Variants in SH3D19 observed in about 807,000 individuals in gnomAD.
SH3D19 encodes SH3 domain-containing protein 19.
A neutral mutation model predicts 112.1 loss-of-function variants in SH3D19; 58 were observed. The observed-to-expected ratio is 0.52, with a 90% CI of 0.42 to 0.64. SH3D19 has a LOEUF of 0.64. SH3D19 is among the 30% of genes least tolerant of loss of function. The pLI, the probability that SH3D19 is intolerant of heterozygous loss-of-function variation, is 0.00. For synonymous variants in SH3D19, 391 were observed against 448.5 expected (o/e 0.87, Z 1.62); for missense variants, 1,090 against 1,263.4 (o/e 0.86, Z 2.08).
chr4:151,280,212 A>G (rs1459127904), intron 1 of SH3D19, among the ~76,000 whole-genome samples: 1 of 130,548 alleles, frequency 7.7e-6, no homozygotes, highest in East Asian at 2.0e-4. Context: ...CAGTCAGGAG[A>G]TTTTTGTCGT....
chr4:151,309,914 C>T (rs1002889833), intron 1 of SH3D19, among the ~76,000 whole-genome samples: 6 of 151,830 alleles, frequency 4.0e-5, no homozygotes, highest in Non-Finnish European at 7.4e-5. Context: ...TTCTTGAGCC[C>T]GGGAGGTCAA....
chr4:151,139,255 G>C (rs1291710505), intron 13 of SH3D19, among the ~76,000 whole-genome samples: 2 of 151,908 alleles, frequency 1.3e-5, no homozygotes, highest in East Asian at 1.9e-4. Flanking sequence ...GCGGGTTCAC[G>C]CCATTCTCCT....
At chr4:151,124,763 A>G (rs985163494) in intron 19 of SH3D19, among the ~76,000 whole-genome samples, 9 of 152,108 alleles carry the variant, frequency 5.9e-5, no homozygotes, top group African/African-American at 2.2e-4. Flanking sequence ...CATTCTGTGG[A>G]TATTTAATAA....
At chr4:151,316,728 C>T (rs1191370607) in intron 1 of SH3D19, among the ~76,000 whole-genome samples, 1 of 151,792 alleles carries the variant, frequency 6.6e-6, no homozygotes, top group Non-Finnish European at 1.5e-5. Context: ...CCCCATGAGC[C>T]CATCCCCACC....
chr4:151,121,842 C>G lies in SH3D19; in HGVS notation c.*249G>C. The G allele has an allele frequency of 3.2e-6, 1 of 308,664 alleles. No homozygotes were observed. 19.1% of individuals were successfully genotyped at this position (308,664 alleles called of 1,614,324 possible). A position where few individuals can be genotyped will look rare whatever the true frequency, so the allele number is the denominator to read the frequency against. On this transcript the variant is annotated 3_prime_UTR_variant, in exon 20 of 20. Coordinates refer to ENST00000604030, the MANE Select transcript of SH3D19 (RefSeq NM_001378122.1). ...CATGCCACCAGATGCTTTCCCTTCA[C>G]CTTGCTAATCCCACTAGATGTTTTC...
At chr4:151,144,326 A>G in intron 11 of SH3D19, 1 of 1,568,592 alleles carries the variant, frequency 6.4e-7, no homozygotes, top group Non-Finnish European at 8.8e-7. Context: ...TTCACAATCA[A>G]ATAACCTCCT....
intron 1 of SH3D19, among the ~76,000 whole-genome samples, chr4:151,268,216 C>A (rs11733473): frequency 0.35 from 52,656 of 151,830 alleles, 10,307 homozygotes; most frequent in Non-Finnish European, 0.46. Context: ...CACAATGGGA[C>A]GTATTTATGT....
At chr4:151,257,959 G>A (rs1011922552) in intron 1 of SH3D19, among the ~76,000 whole-genome samples, 11 of 152,290 alleles carry the variant, frequency 7.2e-5, no homozygotes, top group African/African-American at 2.4e-4. Flanking sequence ...AGCCAGGAAT[G>A]AGGCTGAATA....
At chr4:151,217,035 A>G (rs1767240336) in intron 2 of SH3D19, among the ~76,000 whole-genome samples, 1 of 152,144 alleles carries the variant, frequency 6.6e-6, no homozygotes, top group Non-Finnish European at 1.5e-5. Context: ...CACCTTGTTT[A>G]TGGCATTACA....
chr4:151,188,095 G>A (rs1762070317), intron 2 of SH3D19, among the ~76,000 whole-genome samples: 1 of 151,938 alleles, frequency 6.6e-6, no homozygotes, highest in African/African-American at 2.4e-5. Flanking sequence ...ACCCTCTCCA[G>A]ATACCAGCCT....
intron 3 of SH3D19, among the ~76,000 whole-genome samples, chr4:151,181,526 C>G (rs1468458012): frequency 3.9e-5 from 6 of 152,162 alleles, no homozygotes; most frequent in African/African-American, 1.4e-4. Context: ...ACCAAGCTGA[C>G]AGGGAGGCTA....
intron 2 of SH3D19, among the ~76,000 whole-genome samples, chr4:151,211,455 G>A (rs1410499800): frequency 6.6e-6 from 1 of 151,940 alleles, no homozygotes; most frequent in Non-Finnish European, 1.5e-5. Context: ...AGGAAGAATT[G>A]CACTTCCTTC....
At chr4:151,249,334 A>C (rs1050130023) in intron 1 of SH3D19, among the ~76,000 whole-genome samples, 2 of 152,210 alleles carry the variant, frequency 1.3e-5, no homozygotes, top group Admixed American at 6.5e-5. Context: ...TCTGTGAAAG[A>C]AGTATTAGAA....
chr4:151,208,601 C>T (rs960951562), intron 2 of SH3D19, among the ~76,000 whole-genome samples: 7 of 152,062 alleles, frequency 4.6e-5, no homozygotes, highest in African/African-American at 1.7e-4. Flanking sequence ...AACTCCTGGC[C>T]TCAGGTGATC....
intron 8 of SH3D19, among the ~76,000 whole-genome samples, chr4:151,159,586 A>G (rs952428971): frequency 6.6e-6 from 1 of 152,216 alleles, no homozygotes. Context: ...ACAATTCAAC[A>G]GCAGCCAGCA....
intron 2 of SH3D19, among the ~76,000 whole-genome samples, chr4:151,220,295 C>A (rs1767821969): frequency 6.6e-6 from 1 of 152,130 alleles, no homozygotes; most frequent in Non-Finnish European, 1.5e-5. Flanking sequence ...AATGAAATTT[C>A]ATTTAATTTT....
rs1427384472 is a variant in SH3D19 at position 151,139,825 on chromosome 4, G to C, written c.2246C>G (p.Pro749Arg). 6.2e-7 allele frequency: 1 copy of C among 1,614,164 alleles called. No individual in the cohort carries two copies. Among genetic ancestry groups the C allele is most frequent in the South Asian group, 1.1e-5 (1 of 91,074 alleles). ...RPNDPSHAQK[P>R]VDSGAPHAVV... is the part of the protein sequence containing the mutation. ...AGCATGAGGAGCACCACTGTCAACA[G>C]GCTTCTGAGCGTGGCTTGGATCCTT... The change falls in exon 13 of 20, where the codon CCT becomes CGT. Residue 749 changes from proline (P) to arginine (R), a missense_variant. By Grantham distance (103) the Pro-to-Arg change is moderately radical. Transcript: ENST00000604030.
Position 151,128,185 on chromosome 4 carries a change from C to T in SH3D19, c.2914G>A (p.Val972Met), listed in dbSNP as rs142870105. The change falls in exon 18 of 20, where the codon GTG becomes ATG. Residue 972 changes from valine to methionine, a missense_variant. Val to Met is a conservative substitution (Grantham distance 21). Coordinates refer to ENST00000604030, the MANE Select transcript of SH3D19 (RefSeq NM_001378122.1). ...GTTGTCATACCTGGGCAGGGCCTCACAAACACTGCTGGGAAGATCCCCTCC... is the reference window on the plus strand; with the variant it reads ...GTTGTCATACCTGGGCAGGGCCTCATAAACACTGCTGGGAAGATCCCCTCC... ...DREGIFPAVFVRPCPAEAKSM... is the reference protein window; with the variant it reads ...DREGIFPAVFMRPCPAEAKSM... 1.3e-4 allele frequency: 202 copies of T among 1,605,526 alleles called. 1 individual carries two copies. In the African/African-American group the frequency reaches 2.0e-3, roughly 16 times the overall value.
intron 2 of SH3D19, among the ~76,000 whole-genome samples, chr4:151,192,321 T>A: frequency 6.6e-6 from 1 of 152,296 alleles, no homozygotes; most frequent in Non-Finnish European, 1.5e-5. Flanking sequence ...ATTGTTTCCT[T>A]ATCTGTAATA....
Sources: allele counts gnomAD v4.1 joint callset (sites outside exome capture counted in the v4.1 genomes callset), GRCh38; gene constraint gnomAD v4.1.1; transcripts MANE v1.5; gene names NCBI Gene and HGNC (gene_info 2026-07-23, HGNC 2026-07-21).